Variants in BLOC1S6 observed in about 807,000 individuals in gnomAD.
The protein encoded by BLOC1S6 is biogenesis of lysosome-related organelles complex 1 subunit 6.
In BLOC1S6, 24 loss-of-function variants were observed where a neutral mutation model predicts 24.7. The observed-to-expected ratio is 0.97, with a 90% CI of 0.70 to 1.37. The LOEUF is 1.37. Among genes scored for constraint, BLOC1S6 ranks in the 40% most tolerant of loss-of-function variants. BLOC1S6 has a pLI of 0.00. For missense variants in BLOC1S6, 175 were observed against 196.2 expected, an observed-to-expected ratio of 0.89 and a Z score of 0.64; for synonymous variants, 76 against 72.6, an observed-to-expected ratio of 1.05 and a Z score of -0.23.
At chr15:45,602,961 A>G (rs1894321217) in intron 2 of BLOC1S6, 139 bp from the exon 3 acceptor site, 3 of 645,740 alleles carry the variant, frequency 4.6e-6, no homozygotes, top group Non-Finnish European at 5.6e-6. Context: ...ATCTTATTCT[A>G]TATTAAATAA....
chr15:45,589,680 T>TA (rs1177243810), intron 1 of BLOC1S6, among the ~76,000 whole-genome samples: 2 of 152,212 alleles, frequency 1.3e-5, no homozygotes, highest in Admixed American at 1.3e-4. Context: ...TGGTACATAA[T>TA]ATAGATGTTC....
chr15:45,589,698 C>G (rs1893812664), intron 1 of BLOC1S6, among the ~76,000 whole-genome samples: 2 of 152,156 alleles, frequency 1.3e-5, no homozygotes. Flanking sequence ...TTCAGCAAAC[C>G]TTTCTCGTAT....
intron 2 of BLOC1S6, 58 bp downstream of exon 2, chr15:45,592,334 G>A: frequency 6.4e-7 from 1 of 1,563,770 alleles, no homozygotes; most frequent in Non-Finnish European, 8.8e-7. Flanking sequence ...GTCACAATTT[G>A]TATAATTGTA....
chr15:45,608,817 T>C lies in BLOC1S6; in HGVS notation c.*2303T>C, dbSNP rs1250341314. The stretch of plus-strand genomic sequence containing the variant: ...GTGAGTTGTATTATAAGCGATGAAA[T>C]ACTTTAAAAGCTACCCAGTAACTCT... On this transcript the variant is annotated 3_prime_UTR_variant, in exon 5 of 5. Transcript: ENST00000220531. 2 of 152,146 alleles carry C rather than the reference T, an allele frequency of 1.3e-5. No individual in the cohort carries two copies. Among genetic ancestry groups the C allele is most frequent in the African/African-American group, 4.8e-5 (2 of 41,434 alleles). The allele number at this position is 152,146 out of a possible 1,614,324, so 9.4% of individuals were successfully genotyped here.
intron 2 of BLOC1S6, among the ~76,000 whole-genome samples, chr15:45,597,362 A>G (rs371089470): frequency 6.6e-6 from 1 of 152,054 alleles, no homozygotes; most frequent in East Asian, 1.9e-4. Context: ...ACCTGTAGTC[A>G]TAGCTACTTG....
At chr15:45,596,235 T>C (rs1894071697) in intron 2 of BLOC1S6, among the ~76,000 whole-genome samples, 1 of 152,222 alleles carries the variant, frequency 6.6e-6, no homozygotes, top group South Asian at 2.1e-4. Context: ...TCTCACTCTG[T>C]TGCCCAGGCT....
At position 45,607,570 on chromosome 15, in the gene BLOC1S6, T is replaced by G. The variant is rs1233164855; in HGVS notation, c.*1056T>G. On this transcript the variant is annotated 3_prime_UTR_variant, in exon 5 of 5. Coordinates refer to ENST00000220531, the MANE Select transcript of BLOC1S6 (RefSeq NM_012388.4). ...CGGGTGGATCATGAGGTCAAAAGATTGAGACCATCCTGGCCAACATGGTGA... is the reference window on the plus strand; with the variant it reads ...CGGGTGGATCATGAGGTCAAAAGATGGAGACCATCCTGGCCAACATGGTGA... 6.6e-6 allele frequency: 1 copy of G among 152,148 alleles called. No individual in the cohort carries two copies. The highest frequency in any genetic ancestry group is 1.5e-5 in the Non-Finnish European group (1 of 68,056). 9.4% of individuals were successfully genotyped at this position (152,148 alleles called of 1,614,324 possible).
intron 2 of BLOC1S6, among the ~76,000 whole-genome samples, chr15:45,596,823 G>A (rs1480358460): frequency 2.6e-5 from 4 of 151,570 alleles, no homozygotes; most frequent in African/African-American, 4.8e-5. Flanking sequence ...TTATAGGTGC[G>A]CGCCACCACA....
At chr15:45,600,040 A>G (rs1189508217) in intron 2 of BLOC1S6, among the ~76,000 whole-genome samples, 260 of 150,856 alleles carry the variant, frequency 1.7e-3, no homozygotes, top group African/African-American at 6.2e-3. Flanking sequence ...AGGGACATGG[A>G]TGAAATTGGA....
In BLOC1S6 at chr15:45,592,175, C is replaced by T. The variant is rs2140904529; in HGVS notation, c.123C>T (p.Asp41=). The T allele has an allele frequency of 6.2e-7, 1 of 1,614,120 alleles. No individual in the cohort carries two copies. Among genetic ancestry groups the T allele is most frequent in the Non-Finnish European group, 8.5e-7 (1 of 1,180,028 alleles). Residue 41 remains aspartate (D), a synonymous_variant, in exon 2 of 5, where the codon GAC becomes GAT. Coordinates refer to ENST00000220531, the MANE Select transcript of BLOC1S6 (RefSeq NM_012388.4). ...DTSPDEGLIE[D]LTIEDKAVEQ... ...CTCCAGATGAAGGGTTAATAGAGGA[C>T]TTGACTATAGAAGACAAAGCAGTGG...
chr15:45,587,840 A>G (rs1595550189), intron 1 of BLOC1S6: 1 of 685,934 alleles, frequency 1.5e-6, no homozygotes, highest in Non-Finnish European at 2.6e-6. Flanking sequence ...TGGGGGATGG[A>G]TTTACCAGAA....
Position 45,587,386 on chromosome 15 carries a change from G to A in BLOC1S6, c.-58G>A. 2 of 1,490,946 alleles carry A rather than the reference G, an allele frequency of 1.3e-6. No individual in the cohort carries two copies. The highest frequency in any genetic ancestry group is 2.5e-5 in the East Asian group (1 of 40,708). 92.4% of individuals were successfully genotyped at this position (1,490,946 alleles called of 1,614,324 possible). On this transcript the variant is annotated 5_prime_UTR_variant, in exon 1 of 5. Coordinates refer to ENST00000220531, the MANE Select transcript of BLOC1S6 (RefSeq NM_012388.4). ...CCAGCCGCTGGAGTCGTTAGGTGCC[G>A]CCTTGCTTCTGACGAGCCACACGTT...
intron 3 of BLOC1S6, among the ~76,000 whole-genome samples, chr15:45,604,722 CT>C (rs1221681391): frequency 3.3e-5 from 5 of 152,188 alleles, no homozygotes; most frequent in African/African-American, 1.2e-4. Flanking sequence ...ACTGACATTT[CT>C]TTCATTTCTT....
intron 2 of BLOC1S6, among the ~76,000 whole-genome samples, chr15:45,592,858 C>T (rs1893934880): frequency 6.6e-6 from 1 of 152,172 alleles, no homozygotes; most frequent in Non-Finnish European, 1.5e-5. Context: ...ACAACACACT[C>T]AGCTTCTGCC....
intron 1 of BLOC1S6, among the ~76,000 whole-genome samples, chr15:45,589,067 A>T (rs1027519946): frequency 6.6e-6 from 1 of 152,372 alleles, no homozygotes. Context: ...ATAAGCAAGG[A>T]AGCTCACTGC....
intron 2 of BLOC1S6, among the ~76,000 whole-genome samples, chr15:45,595,807 A>AT (rs2140908440): frequency 6.6e-6 from 1 of 151,996 alleles, no homozygotes; most frequent in South Asian, 2.1e-4. Context: ...TTTTGAGTTA[A>AT]TTTTGTTTGT....
In BLOC1S6 at chr15:45,609,237, C is replaced by G. The variant is rs923615242; in HGVS notation, c.*2723C>G. The G allele has an allele frequency of 3.3e-5, 5 of 152,050 alleles. No individual in the cohort carries two copies. The highest frequency in any genetic ancestry group is 1.2e-4 in the African/African-American group (5 of 41,378). The allele number at this position is 152,050 out of a possible 1,614,324, so 9.4% of individuals were successfully genotyped here. Reference sequence around the variant, plus strand: ...TTTGGGAGGCTGAGGTGGGAAGATTCTTTGAGCCCAGGAGTTCAAGGCTGC... The same window carrying G: ...TTTGGGAGGCTGAGGTGGGAAGATTGTTTGAGCCCAGGAGTTCAAGGCTGC... On this transcript the variant is annotated 3_prime_UTR_variant, in exon 5 of 5. Coordinates refer to ENST00000220531, the MANE Select transcript of BLOC1S6 (RefSeq NM_012388.4).
chr15:45,603,600 G>C (rs905038009), intron 3 of BLOC1S6, among the ~76,000 whole-genome samples: 5 of 152,144 alleles, frequency 3.3e-5, no homozygotes, highest in African/African-American at 1.2e-4. Context: ...TGTAGTCCCA[G>C]CTTTTCCAGA....
Position 45,592,245 on chromosome 15 carries a change from C to T in BLOC1S6, c.193C>T (p.Gln65Ter). 6.2e-7 allele frequency: 1 copy of T among 1,614,044 alleles called. No homozygotes were observed. The change falls in exon 2 of 5, where the codon CAG becomes TAG. Residue 65 changes from glutamine (Q) to a stop codon, truncating the protein, a stop_gained. Transcript: ENST00000220531. LOFTEE classifies it high-confidence loss of function. ...GCTTTCTCATTATTTGCCAGATCTG[C>T]AGAGATCAAAACAAGCCCTCCAGGA... ...GLLSHYLPDL[Q>*]RSKQALQELT...
Sources: allele counts gnomAD v4.1 joint callset (sites outside exome capture counted in the v4.1 genomes callset), GRCh38; gene constraint gnomAD v4.1.1; transcripts MANE v1.5; gene names NCBI Gene and HGNC (gene_info 2026-07-23, HGNC 2026-07-21).